ADAMTSL1: variants seen among roughly 807,000 people sequenced by gnomAD.
The protein encoded by ADAMTSL1 is ADAMTS-like protein 1.
Under a neutral mutation model 201.8 loss-of-function variants are expected in ADAMTSL1, and 126 were observed. The observed-to-expected ratio is 0.62, with a 90% CI of 0.54 to 0.72. The LOEUF is 0.72. Ranked by LOEUF, ADAMTSL1 falls within the 30% of genes least tolerant of loss-of-function variation. The pLI is 0.00. For synonymous variants in ADAMTSL1, 1,121 were observed against 903.4 expected, an observed-to-expected ratio of 1.24 and a Z score of -4.32; for missense variants, 2,679 against 2,277.8, an observed-to-expected ratio of 1.18 and a Z score of -3.59.
chr9:18,159,534 A>T (rs185063970), intron 1 of ADAMTSL1, among the ~76,000 whole-genome samples: 1 of 152,158 alleles, frequency 6.6e-6, no homozygotes, highest in African/African-American at 2.4e-5. Flanking sequence ...CCCATCATAA[A>T]CATTACAATT....
chr9:18,422,897 C>T (rs1819026936), intron 2 of ADAMTSL1, among the ~76,000 whole-genome samples: 2 of 152,144 alleles, frequency 1.3e-5, no homozygotes, highest in South Asian at 4.1e-4. Flanking sequence ...TAAACTTGCC[C>T]TCTAACATTC....
intron 2 of ADAMTSL1, among the ~76,000 whole-genome samples, chr9:18,391,245 C>G (rs993999017): frequency 2.6e-5 from 4 of 152,128 alleles, no homozygotes; most frequent in African/African-American, 9.7e-5. Context: ...ATTTTAAAAT[C>G]TACTTTCTTG....
chr9:18,576,000 A>T (rs1317069323), intron 4 of ADAMTSL1, among the ~76,000 whole-genome samples: 5 of 152,202 alleles, frequency 3.3e-5, no homozygotes, highest in Non-Finnish European at 5.9e-5. Context: ...ATCCTATCTC[A>T]GTTGCTAAGG....
At chr9:18,416,789 G>A (rs561557145) in intron 2 of ADAMTSL1, among the ~76,000 whole-genome samples, 1 of 152,026 alleles carries the variant, frequency 6.6e-6, no homozygotes, top group African/African-American at 2.4e-5. Context: ...CAAAATCTGG[G>A]TAAAACCCCA....
chr9:18,035,931 T>C (rs549971432), intron 1 of ADAMTSL1, among the ~76,000 whole-genome samples: 3 of 152,298 alleles, frequency 2.0e-5, no homozygotes, highest in East Asian at 1.9e-4. Flanking sequence ...TGGGGACCTA[T>C]AGTGGAAAAC....
chr9:18,591,202 AG>A (rs1262083157), intron 4 of ADAMTSL1, among the ~76,000 whole-genome samples: 1 of 152,090 alleles, frequency 6.6e-6, no homozygotes, highest in Non-Finnish European at 1.5e-5. Flanking sequence ...TGGATGTGCT[AG>A]TGTTGGGTGC....
chr9:18,087,771 C>G (rs1190119077), intron 1 of ADAMTSL1, among the ~76,000 whole-genome samples: 4 of 152,060 alleles, frequency 2.6e-5, no homozygotes, highest in Admixed American at 6.6e-5. Context: ...GTAGAAGAAA[C>G]TAAGCAATTT....
At chr9:18,889,470 C>T (rs944351295) in intron 24 of ADAMTSL1, 98 bp from the exon 25 acceptor site, 70 of 1,331,752 alleles carry the variant, frequency 5.3e-5, no homozygotes, top group South Asian at 1.0e-4. Flanking sequence ...GGCCACAAAT[C>T]CACCCCTGTC....
intron 13 of ADAMTSL1, among the ~76,000 whole-genome samples, chr9:18,705,730 T>C (rs1015673097): frequency 6.6e-6 from 1 of 152,220 alleles, no homozygotes; most frequent in South Asian, 2.1e-4. Context: ...AAATACCTCC[T>C]TATACATATA....
At chr9:18,049,709 C>T (rs954069854) in intron 1 of ADAMTSL1, among the ~76,000 whole-genome samples, 3 of 152,120 alleles carry the variant, frequency 2.0e-5, no homozygotes, top group South Asian at 2.1e-4. Flanking sequence ...CTGCAAGCCC[C>T]GCCTCCCGGG....
At chr9:18,337,926 G>T (rs901176499) in intron 2 of ADAMTSL1, among the ~76,000 whole-genome samples, 2 of 152,124 alleles carry the variant, frequency 1.3e-5, no homozygotes, top group African/African-American at 4.8e-5. Flanking sequence ...CTCCACCTGG[G>T]CTAGGTTCTG....
chr9:18,399,413 C>A (rs899963664), intron 2 of ADAMTSL1, among the ~76,000 whole-genome samples: 1 of 149,812 alleles, frequency 6.7e-6, no homozygotes, highest in East Asian at 2.0e-4. Context: ...GATCTCGGCT[C>A]ACTGCAACCT....
At chr9:18,605,365 C>A (rs939968411) in intron 4 of ADAMTSL1, among the ~76,000 whole-genome samples, 1 of 152,156 alleles carries the variant, frequency 6.6e-6, no homozygotes. Context: ...CAATTAGGAC[C>A]AAGCGCTGGC....
intron 16 of ADAMTSL1, among the ~76,000 whole-genome samples, chr9:18,770,018 T>C (rs1374331698): frequency 6.6e-6 from 1 of 152,184 alleles, no homozygotes; most frequent in Non-Finnish European, 1.5e-5. Flanking sequence ...TTTTCTTGCA[T>C]CCCAAATTTC....
chr9:18,734,325 A>C (rs376471207), intron 15 of ADAMTSL1, among the ~76,000 whole-genome samples: 19 of 152,148 alleles, frequency 1.2e-4, no homozygotes, highest in African/African-American at 4.3e-4. Flanking sequence ...CTGTGTTCTC[A>C]CCTTTTTTCC....
chr9:18,371,598 A>C (rs968781648), intron 2 of ADAMTSL1, among the ~76,000 whole-genome samples: 9 of 152,238 alleles, frequency 5.9e-5, no homozygotes, highest in East Asian at 1.9e-4. Context: ...ATATTGTTAA[A>C]CACAAAAGGA....
intron 2 of ADAMTSL1, among the ~76,000 whole-genome samples, chr9:18,239,622 T>G (rs894905270): frequency 1.4e-4 from 21 of 151,878 alleles, no homozygotes; most frequent in African/African-American, 3.9e-4. Context: ...GTGGTGCATG[T>G]CTGTAATCCT....
intron 1 of ADAMTSL1, among the ~76,000 whole-genome samples, chr9:18,007,114 C>T (rs1300952277): frequency 6.6e-6 from 1 of 151,990 alleles, no homozygotes; most frequent in East Asian, 1.9e-4. Flanking sequence ...CCAAGCATTT[C>T]CTTTGAAGGG....
intron 23 of ADAMTSL1, among the ~76,000 whole-genome samples, chr9:18,887,175 G>A (rs911238889): frequency 7.8e-4 from 119 of 152,152 alleles, no homozygotes; most frequent in African/African-American, 2.4e-3. Context: ...TTATCTTACC[G>A]ATTCTATGCT....
Sources: gnomAD v4.1 joint callset for allele counts (sites outside exome capture counted in the v4.1 genomes callset) on GRCh38, gnomAD v4.1.1 for gene constraint, MANE v1.5 for transcripts, NCBI Gene and HGNC (gene_info 2026-07-23, HGNC 2026-07-21) for gene names.